Variants in MDFIC2 observed in about 807,000 individuals in gnomAD.
MDFIC2 encodes MyoD family inhibitor domain containing 2.
intron 2 of MDFIC2, 144 bp downstream of exon 2, chr3:70,311,742 T>C (rs1390034807): frequency 2.7e-6 from 1 of 376,988 alleles, no homozygotes; most frequent in Non-Finnish European, 4.7e-6. Context: ...CATAAGAATT[T>C]GAAAAAAAAA....
intron 2 of MDFIC2, among the ~76,000 whole-genome samples, chr3:70,250,138 T>A (rs1425804771): frequency 6.6e-6 from 1 of 152,188 alleles, no homozygotes; most frequent in African/African-American, 2.4e-5. Flanking sequence ...AGCCTGTTGC[T>A]AGTTATTCTT....
Position 70,196,314 on chromosome 3 carries a change from A to G in MDFIC2, c.*612T>C, listed in dbSNP as rs1253490903. ...TTGAAGTACACCATATTCAAAATTC[A>G]CTGGAGATGTTTTAGAGACATCTGT... On this transcript the variant is annotated 3_prime_UTR_variant, in exon 4 of 4. Transcript: ENST00000567252. 2.6e-5 allele frequency among the ~76,000 whole-genome samples: 4 copies of G among 152,238 alleles called. No individual in the cohort carries two copies. In the East Asian group the frequency reaches 7.7e-4, roughly 29 times the overall value.
chr3:70,268,327 T>G (rs949192251), intron 2 of MDFIC2, among the ~76,000 whole-genome samples: 1 of 152,012 alleles, frequency 6.6e-6, no homozygotes, highest in Non-Finnish European at 1.5e-5. Context: ...TACAAAAAAT[T>G]AGCCAGGCGT....
chr3:70,276,373 A>C (rs1251417686), intron 2 of MDFIC2, among the ~76,000 whole-genome samples: 1 of 152,220 alleles, frequency 6.6e-6, no homozygotes, highest in Admixed American at 6.5e-5. Flanking sequence ...CTGGAAATGT[A>C]TGTTAATTCT....
In MDFIC2 at chr3:70,248,879, C is replaced by T. The variant is rs150216521; in HGVS notation, c.89-42089G>A. Among the ~76,000 whole-genome samples the T allele has an allele frequency of 5.9e-5, 9 of 152,264 alleles. No homozygotes were observed. In the East Asian group the frequency reaches 1.7e-3, roughly 29 times the overall value. On this transcript the variant is annotated intron_variant, in intron 2 of 3. Transcript: ENST00000567252. ...ATTGAAAGGAAATCAATTGAAAGGA[C>T]TCACTGGATGGTAAATCTACTTACC...
intron 2 of MDFIC2, among the ~76,000 whole-genome samples, chr3:70,212,635 A>T (rs189832301): frequency 6.6e-6 from 1 of 152,112 alleles, no homozygotes; most frequent in African/African-American, 2.4e-5. Context: ...ATACAGTGAC[A>T]ACTCTCTTCA....
intron 2 of MDFIC2, among the ~76,000 whole-genome samples, chr3:70,286,376 T>A (rs991335128): frequency 1.2e-4 from 19 of 152,080 alleles, no homozygotes; most frequent in Non-Finnish European, 8.8e-5. Context: ...TGTAGATATG[T>A]GGCATTATTT....
intron 2 of MDFIC2, among the ~76,000 whole-genome samples, chr3:70,287,216 T>G (rs1702175553): frequency 7.2e-6 from 1 of 138,952 alleles, no homozygotes; most frequent in Non-Finnish European, 1.6e-5. Flanking sequence ...GCTCTTATTA[T>G]TTTGAAATAC....
intron 2 of MDFIC2, among the ~76,000 whole-genome samples, chr3:70,275,373 G>A (rs1361690869): frequency 6.6e-6 from 1 of 152,100 alleles, no homozygotes; most frequent in Admixed American, 6.6e-5. Flanking sequence ...AAATTAGTTG[G>A]GTGTGGTGGC....
intron 2 of MDFIC2, among the ~76,000 whole-genome samples, chr3:70,207,709 T>A (rs984956362): frequency 2.6e-5 from 4 of 152,054 alleles, no homozygotes; most frequent in African/African-American, 9.7e-5. Context: ...TACATAGCAT[T>A]TACATAGTAT....
At chr3:70,246,892 G>T (rs1348462943) in intron 2 of MDFIC2, among the ~76,000 whole-genome samples, 4 of 151,860 alleles carry the variant, frequency 2.6e-5, no homozygotes, top group African/African-American at 4.8e-5. Flanking sequence ...TCACAAAATA[G>T]AAATAATATT....
At chr3:70,240,994 G>A (rs1701662452) in intron 2 of MDFIC2, among the ~76,000 whole-genome samples, 1 of 152,082 alleles carries the variant, frequency 6.6e-6, no homozygotes. Flanking sequence ...TCACAGTCAA[G>A]GATATTCATT....
At chr3:70,206,119 A>G (rs1298834934) in intron 3 of MDFIC2, among the ~76,000 whole-genome samples, 2 of 151,986 alleles carry the variant, frequency 1.3e-5, no homozygotes, top group African/African-American at 4.8e-5. Flanking sequence ...TGCTGATGAG[A>G]TTGCTTAATC....
At chr3:70,211,488 CTTCCCTTCCCTTCCCT>C (rs1701347103) in intron 2 of MDFIC2, among the ~76,000 whole-genome samples, 1 of 56,812 alleles carries the variant, frequency 1.8e-5, no homozygotes, top group African/African-American at 5.6e-5. Flanking sequence ...CTTCCTTTCC[CTTCCCTTCCCTTCCCT>C]TTGCCCTTCC....
intron 2 of MDFIC2, among the ~76,000 whole-genome samples, chr3:70,230,849 T>C (rs1701552679): frequency 6.6e-6 from 1 of 152,168 alleles, no homozygotes; most frequent in South Asian, 2.1e-4. Context: ...ACCTGCTGTG[T>C]TACTATCTTC....
chr3:70,282,209 G>A (rs909189802), intron 2 of MDFIC2, among the ~76,000 whole-genome samples: 1 of 152,138 alleles, frequency 6.6e-6, no homozygotes, highest in Non-Finnish European at 1.5e-5. Flanking sequence ...TTTCCTGGCA[G>A]TATTTGCTGT....
chr3:70,297,566 T>C (rs892252843), intron 2 of MDFIC2, among the ~76,000 whole-genome samples: 2 of 152,140 alleles, frequency 1.3e-5, no homozygotes, highest in African/African-American at 4.8e-5. Context: ...TGTGGAGCAA[T>C]ATGTATATTT....
rs1559551124 is a variant in MDFIC2, at chr3:70,274,094, C to CATGTGTGT, written c.88+37791_88+37792insACACACAT. Among the ~76,000 whole-genome samples, 27 of 51,254 alleles carry CATGTGTGT rather than the reference C, an allele frequency of 5.3e-4. No individual in the cohort carries two copies. The East Asian group carries it at 6.9e-3, about 13-fold the overall frequency. 33.6% of individuals were successfully genotyped at this position (51,254 alleles called of 152,430 possible). On this transcript the variant is annotated intron_variant, in intron 2 of 3. Coordinates refer to ENST00000567252, the MANE Select transcript of MDFIC2 (RefSeq NM_001364677.1). ...GTGTGTGTGTGTGTGTGTGTGTGCG[C>CATGTGTGT]GCGCGCATGTGTGTGTGTGAGACTG...
chr3:70,302,860 A>C (rs1702364243), intron 2 of MDFIC2, among the ~76,000 whole-genome samples: 1 of 152,170 alleles, frequency 6.6e-6, no homozygotes, highest in African/African-American at 2.4e-5. Context: ...GATCAATCTC[A>C]TCATTTTATA....
Sources: allele counts gnomAD v4.1 joint callset (sites outside exome capture counted in the v4.1 genomes callset), GRCh38; gene constraint gnomAD v4.1.1; transcripts MANE v1.5; gene names NCBI Gene and HGNC (gene_info 2026-07-23, HGNC 2026-07-21).